The following EXOC4 variants were observed in gnomAD, a reference collection of about 807,000 sequenced individuals.
The protein encoded by EXOC4 is SEC8-like 1.
Under a neutral mutation model 107.2 loss-of-function variants are expected in EXOC4, and 71 were observed. The ratio of observed to expected loss-of-function variants is 0.66; its 90% CI spans 0.55 to 0.81. The LOEUF is 0.81. Among genes scored for constraint, EXOC4 ranks in the 30% least tolerant of loss-of-function variants. EXOC4 has a pLI of 0.00. For missense variants in EXOC4, 1,108 were observed against 1,189.6 expected, an observed-to-expected ratio of 0.93 and a Z score of 1.01; for synonymous variants, 456 against 441.2, an observed-to-expected ratio of 1.03 and a Z score of -0.42.
intron 9 of EXOC4, among the ~76,000 whole-genome samples, chr7:133,570,698 C>T (rs1019391173): frequency 6.6e-6 from 1 of 152,148 alleles, no homozygotes; most frequent in Non-Finnish European, 1.5e-5. Flanking sequence ...GAAACCAGGA[C>T]TCTTATCCAC....
intron 10 of EXOC4, among the ~76,000 whole-genome samples, chr7:133,731,113 G>A (rs1468135901): frequency 6.6e-6 from 1 of 152,008 alleles, no homozygotes; most frequent in African/African-American, 2.4e-5. Flanking sequence ...TTTATGTTTT[G>A]CACAATATTT....
At chr7:133,563,574 C>T (rs1800849955) in intron 9 of EXOC4, among the ~76,000 whole-genome samples, 1 of 151,902 alleles carries the variant, frequency 6.6e-6, no homozygotes, top group South Asian at 2.1e-4. Flanking sequence ...CTCCAAGCAC[C>T]TGTTAAGAGT....
intron 10 of EXOC4, among the ~76,000 whole-genome samples, chr7:133,714,372 T>A (rs993866): frequency 6.6e-6 from 1 of 152,136 alleles, no homozygotes; most frequent in African/African-American, 2.4e-5. Flanking sequence ...ATTTTAGGAA[T>A]CAATTGTGTT....
intron 14 of EXOC4, among the ~76,000 whole-genome samples, chr7:133,971,351 TATATATATATAGAGAGAG>T (rs1366160908): frequency 7.7e-4 from 79 of 102,266 alleles, no homozygotes; most frequent in African/African-American, 2.9e-3. Flanking sequence ...TATATATATA[TATATATATATAGAGAGAG>T]AGAGAGAGAG....
chr7:133,937,869 G>A, intron 13 of EXOC4, 22 bp from the exon 14 acceptor site: 3 of 1,613,676 alleles, frequency 1.9e-6, no homozygotes, highest in Non-Finnish European at 1.7e-6. Flanking sequence ...TATATGAAGT[G>A]TGTTTCTGAT....
At chr7:133,882,892 G>A (rs184784273) in intron 11 of EXOC4, among the ~76,000 whole-genome samples, 3 of 152,278 alleles carry the variant, frequency 2.0e-5, no homozygotes, top group Non-Finnish European at 2.9e-5. Flanking sequence ...CTAATCCCAC[G>A]AACGGACATA....
At chr7:133,443,634 A>G (rs1231567435) in intron 7 of EXOC4, among the ~76,000 whole-genome samples, 1 of 151,620 alleles carries the variant, frequency 6.6e-6, no homozygotes, top group Non-Finnish European at 1.5e-5. Flanking sequence ...GGTTGTCTTG[A>G]CCTCCTGGGG....
intron 10 of EXOC4, among the ~76,000 whole-genome samples, chr7:133,761,264 G>A (rs956607987): frequency 1.3e-5 from 2 of 152,136 alleles, no homozygotes; most frequent in Admixed American, 1.3e-4. Flanking sequence ...CGACACAGAT[G>A]AGATGATTCA....
At chr7:133,689,769 C>T (rs866087258) in intron 10 of EXOC4, among the ~76,000 whole-genome samples, 6 of 152,162 alleles carry the variant, frequency 3.9e-5, no homozygotes, top group Admixed American at 1.3e-4. Context: ...AAAGAGGGCT[C>T]AGAGGAGCCA....
chr7:133,599,645 C>A (rs536899890), intron 9 of EXOC4, among the ~76,000 whole-genome samples: 7 of 152,090 alleles, frequency 4.6e-5, no homozygotes, highest in Admixed American at 3.9e-4. Flanking sequence ...TCTGGACATT[C>A]GTCATTTCTG....
chr7:133,795,993 G>T (rs1479155160), intron 10 of EXOC4, among the ~76,000 whole-genome samples: 1 of 152,162 alleles, frequency 6.6e-6, no homozygotes, highest in African/African-American at 2.4e-5. Flanking sequence ...ATACAGTTGA[G>T]AATAAGGAAG....
intron 7 of EXOC4, among the ~76,000 whole-genome samples, chr7:133,411,826 G>T (rs1797361897): frequency 6.6e-6 from 1 of 152,140 alleles, no homozygotes; most frequent in African/African-American, 2.4e-5. Flanking sequence ...ACAAAAGTAT[G>T]CTAGCTTTGG....
At chr7:133,943,912 T>G (rs1800489416) in intron 14 of EXOC4, among the ~76,000 whole-genome samples, 1 of 152,148 alleles carries the variant, frequency 6.6e-6, no homozygotes, top group Non-Finnish European at 1.5e-5. Flanking sequence ...TAGCTGCAAT[T>G]TTATAACACA....
At chr7:133,441,339 T>G (rs944854479) in intron 7 of EXOC4, among the ~76,000 whole-genome samples, 5 of 152,084 alleles carry the variant, frequency 3.3e-5, no homozygotes, top group African/African-American at 1.2e-4. Context: ...GCCTAGAAAT[T>G]CCATCTGAAG....
intron 10 of EXOC4, among the ~76,000 whole-genome samples, chr7:133,707,555 C>T (rs911241271): frequency 9.3e-5 from 14 of 149,742 alleles, no homozygotes; most frequent in African/African-American, 3.4e-4. Context: ...GGAATCTGCC[C>T]AATTTTTGCT....
chr7:133,966,783 TTTG>T (rs1445773651), intron 14 of EXOC4, among the ~76,000 whole-genome samples: 1 of 152,112 alleles, frequency 6.6e-6, no homozygotes, highest in Non-Finnish European at 1.5e-5. Context: ...GCCCTGAAAT[TTTG>T]TTGTTGTTGT....
At chr7:133,334,641 T>TG (rs1226773377) in intron 5 of EXOC4, among the ~76,000 whole-genome samples, 1 of 152,146 alleles carries the variant, frequency 6.6e-6, no homozygotes, top group East Asian at 1.9e-4. Context: ...GTTGTATAGA[T>TG]TATTTCATCA....
intron 12 of EXOC4, among the ~76,000 whole-genome samples, chr7:133,901,519 CT>C (rs1372339483): frequency 4.6e-5 from 7 of 152,190 alleles, no homozygotes; most frequent in Non-Finnish European, 7.3e-5. Flanking sequence ...TTATATGACA[CT>C]GAAAAGCTCC....
At chr7:133,556,089 T>C (rs1800684849) in intron 9 of EXOC4, among the ~76,000 whole-genome samples, 2 of 152,200 alleles carry the variant, frequency 1.3e-5, no homozygotes, top group African/African-American at 2.4e-5. Context: ...GAAGGCTCTT[T>C]ATTGGGACCT....
Sources: gnomAD v4.1 joint callset for allele counts (sites outside exome capture counted in the v4.1 genomes callset) on GRCh38, gnomAD v4.1.1 for gene constraint, MANE v1.5 for transcripts, NCBI Gene and HGNC (gene_info 2026-07-23, HGNC 2026-07-21) for gene names.